PFKP: variants seen among roughly 807,000 people sequenced by gnomAD.
PFKP encodes phosphofructokinase, platelet.
A neutral mutation model predicts 94.3 loss-of-function variants in PFKP; 101 were observed. That is an observed-to-expected ratio of 1.07 (90% CI 0.91 to 1.26). The LOEUF (loss-of-function observed/expected upper bound fraction) is 1.26. Ranked by LOEUF, PFKP falls within the 50% of genes most tolerant of loss-of-function variation. PFKP has a pLI of 0.00. For synonymous variants in PFKP, 573 were observed against 432.6 expected, an observed-to-expected ratio of 1.32 and a Z score of -4.03; for missense variants, 1,145 against 1,103.3, an observed-to-expected ratio of 1.04 and a Z score of -0.53.
intron 16 of PFKP, among the ~76,000 whole-genome samples, chr10:3,125,537 C>G (rs112558584): frequency 5.9e-5 from 9 of 152,288 alleles, no homozygotes; most frequent in Non-Finnish European, 1.3e-4. Flanking sequence ...GAGGCTGCCT[C>G]TCCTGCCCAC....
intron 2 of PFKP, among the ~76,000 whole-genome samples, chr10:3,098,348 G>C (rs4881079): frequency 0.02 from 2,969 of 152,074 alleles, 122 homozygotes; most frequent in East Asian, 0.14. Flanking sequence ...TGTATATTCC[G>C]TGGAGAAAAA....
intron 14 of PFKP, among the ~76,000 whole-genome samples, chr10:3,118,145 T>C (rs1198343221): frequency 2.0e-5 from 3 of 152,104 alleles, no homozygotes; most frequent in African/African-American, 7.2e-5. Flanking sequence ...GGATAATGCA[T>C]ATGTAAGTTA....
Position 3,082,470 on chromosome 10 carries a change from C to A in PFKP, c.186+9C>A. On this transcript the variant is annotated intron_variant, in intron 2 of 21. Transcript: ENST00000381125. ...TGTACTTCATCTACGAGGTCAGTGT[C>A]TGCCCCTCACCCCCTGTCGCCCTTC... 3 of 1,596,086 alleles carry A rather than the reference C, an allele frequency of 1.9e-6. No individual in the cohort carries two copies. Among genetic ancestry groups the A allele is most frequent in the Non-Finnish European group, 2.6e-6 (3 of 1,167,700 alleles).
chr10:3,125,998 G>GCC (rs1588552093), intron 16 of PFKP, among the ~76,000 whole-genome samples: 1 of 152,222 alleles, frequency 6.6e-6, no homozygotes, highest in African/African-American at 2.4e-5. Context: ...AGAACTGCTG[G>GCC]CCGGGGTAGG....
At chr10:3,093,067 G>A (rs959420941) in intron 2 of PFKP, among the ~76,000 whole-genome samples, 2 of 151,250 alleles carry the variant, frequency 1.3e-5, no homozygotes, top group Non-Finnish European at 2.9e-5. Context: ...ATGTGTGGAT[G>A]GGGGTGACCA....
intron 16 of PFKP, among the ~76,000 whole-genome samples, chr10:3,128,013 T>C (rs1350290110): frequency 7.1e-6 from 1 of 141,800 alleles, no homozygotes; most frequent in Non-Finnish European, 1.6e-5. Context: ...TAGTCTCAAG[T>C]CCACACCCCC....
intron 16 of PFKP, among the ~76,000 whole-genome samples, chr10:3,120,748 C>T (rs1217100990): frequency 2.6e-5 from 4 of 152,092 alleles, no homozygotes; most frequent in Admixed American, 1.3e-4. Flanking sequence ...CAGCCTCGAC[C>T]TCCCGGGCTC....
intron 1 of PFKP, among the ~76,000 whole-genome samples, chr10:3,081,022 C>A (rs1458586805): frequency 2.0e-5 from 3 of 152,156 alleles, no homozygotes; most frequent in Non-Finnish European, 2.9e-5. Flanking sequence ...ACTAGTTAAT[C>A]AGTAGGTCAT....
At chr10:3,106,217 T>C (rs1437956691) in intron 7 of PFKP, among the ~76,000 whole-genome samples, 1 of 150,530 alleles carries the variant, frequency 6.6e-6, no homozygotes, top group Non-Finnish European at 1.5e-5. Flanking sequence ...AAGCATGGCG[T>C]GCACGGGGCG....
chr10:3,077,445 T>G (rs1832703385), intron 1 of PFKP, among the ~76,000 whole-genome samples: 2 of 151,640 alleles, frequency 1.3e-5, no homozygotes, highest in African/African-American at 2.4e-5. Context: ...TTTTTGTATT[T>G]TTAGTAGAGA....
At position 3,103,936 on chromosome 10, in the gene PFKP, G is replaced by C; in HGVS notation, c.612G>C (p.Thr204=). 2 of 1,613,486 alleles carry C rather than the reference G, an allele frequency of 1.2e-6. No individual in the cohort carries two copies. Among genetic ancestry groups the C allele is most frequent in the Non-Finnish European group, 8.5e-7 (1 of 1,179,994 alleles). The part of the protein sequence containing the change: ...IIEVVDAIMT[T]AQSHQRTFVL... Reference sequence around the variant, plus strand: ...AGGTCGTCGACGCCATCATGACCACGGCCCAGAGGTAAAGCGCTCAGAGGA... The same window carrying C: ...AGGTCGTCGACGCCATCATGACCACCGCCCAGAGGTAAAGCGCTCAGAGGA... Residue 204 remains threonine (T), a synonymous_variant, in exon 5 of 22, where the codon ACG becomes ACC. Coordinates refer to ENST00000381125, the MANE Select transcript of PFKP (RefSeq NM_002627.5).
intron 16 of PFKP, chr10:3,124,992 G>T (rs1354715106): frequency 3.2e-6 from 3 of 936,150 alleles, no homozygotes; most frequent in South Asian, 4.8e-5. Context: ...GGCTTCCCCT[G>T]GTGACTCAGT....
At chr10:3,104,349 G>A (rs74734364) in intron 5 of PFKP, among the ~76,000 whole-genome samples, 15 of 152,336 alleles carry the variant, frequency 9.8e-5, no homozygotes, top group East Asian at 5.8e-4. Flanking sequence ...GGGCCACAGC[G>A]TTTGATCCGA....
chr10:3,108,071 C>T lies in PFKP; in HGVS notation c.871-630C>T, dbSNP rs957697219. 15 of 1,199,360 alleles carry T rather than the reference C, an allele frequency of 1.3e-5. No individual in the cohort carries two copies. In the African/African-American group the frequency reaches 2.3e-4, roughly 19 times the overall value. 74.3% of individuals were successfully genotyped at this position (1,199,360 alleles called of 1,614,324 possible). ...GATGGACACCTGGGAAAGACATCTG[C>T]CAATATTTATAAGTGGTCATCCATA... On this transcript the variant is annotated intron_variant, in intron 8 of 21. Transcript: ENST00000381125.
rs1162046481 is a variant in PFKP, at chr10:3,109,399, C to G, written c.1008C>G (p.Ala336=). The change falls in exon 10 of 22, where the codon GCC becomes GCG. Residue 336 remains alanine (A), a synonymous_variant. Coordinates refer to ENST00000381125, the MANE Select transcript of PFKP (RefSeq NM_002627.5). The part of the protein sequence containing the change: ...GVEAVIALLE[A]TPDTPACVVS... Reference sequence around the variant, plus strand: ...AGGCAGTCATCGCCTTGCTAGAGGCCACCCCGGACACCCCAGCTTGCGTCG... The same window carrying G: ...AGGCAGTCATCGCCTTGCTAGAGGCGACCCCGGACACCCCAGCTTGCGTCG... 1.9e-6 allele frequency: 3 copies of G among 1,610,526 alleles called. No homozygotes were observed. The highest frequency in any genetic ancestry group is 2.5e-6 in the Non-Finnish European group (3 of 1,179,990).
intron 13 of PFKP, among the ~76,000 whole-genome samples, chr10:3,116,416 A>G (rs969991763): frequency 5.3e-5 from 8 of 152,214 alleles, no homozygotes; most frequent in Non-Finnish European, 1.2e-4. Context: ...CTAGTTTGTA[A>G]GAAAAGAAAT....
At chr10:3,135,197 C>G (rs1003248681) in intron 20 of PFKP, among the ~76,000 whole-genome samples, 3 of 152,126 alleles carry the variant, frequency 2.0e-5, no homozygotes, top group African/African-American at 7.2e-5. Context: ...ACCCCCACCC[C>G]CCTCAGCTTT....
In PFKP at chr10:3,112,211, T is replaced by A; in HGVS notation, c.1090-11T>A. ...ACACATTCTTTCTTCTTTTCATCAT[T>A]GTTTTAAAAGACTCAGGATGTGCAG... is the stretch of plus-strand genomic sequence containing the variant. On this transcript the variant is annotated splice_polypyrimidine_tract_variant and intron_variant, in intron 10 of 21. Transcript: ENST00000381125. 6.2e-7 allele frequency: 1 copy of A among 1,609,492 alleles called. No homozygotes were observed. The highest frequency in any genetic ancestry group is 8.5e-7 in the Non-Finnish European group (1 of 1,175,804).
intron 13 of PFKP, among the ~76,000 whole-genome samples, chr10:3,113,768 C>T (rs1242587131): frequency 2.0e-5 from 3 of 151,924 alleles, no homozygotes; most frequent in Non-Finnish European, 4.4e-5. Flanking sequence ...ATGGCAGTGC[C>T]TCTGGGGTCT....
Sources: gnomAD v4.1 joint callset for allele counts (sites outside exome capture counted in the v4.1 genomes callset) on GRCh38, gnomAD v4.1.1 for gene constraint, MANE v1.5 for transcripts, NCBI Gene and HGNC (gene_info 2026-07-23, HGNC 2026-07-21) for gene names.